Variants in ADCY2 observed in about 807,000 individuals in gnomAD.
ADCY2 encodes adenylate cyclase type 2.
In ADCY2, 31 loss-of-function variants were observed where a neutral mutation model predicts 125.2. The observed-to-expected ratio is 0.25, with a 90% CI of 0.19 to 0.33. The LOEUF (loss-of-function observed/expected upper bound fraction) is 0.33. ADCY2 is among the 10% of genes least tolerant of loss of function. The pLI is 1.00. For missense variants in ADCY2, 904 were observed against 1,418.2 expected, an observed-to-expected ratio of 0.64 and a Z score of 5.82; for synonymous variants, 512 against 548.4, an observed-to-expected ratio of 0.93 and a Z score of 0.93.
intron 3 of ADCY2, among the ~76,000 whole-genome samples, chr5:7,541,700 G>T (rs1735000792): frequency 6.6e-6 from 1 of 152,188 alleles, no homozygotes; most frequent in South Asian, 2.1e-4. Context: ...CGGAGGAGAG[G>T]CTGAGAGCAG....
intron 4 of ADCY2, among the ~76,000 whole-genome samples, chr5:7,653,606 TA>T (rs1201964121): frequency 0.013 from 1,890 of 140,646 alleles, 37 homozygotes; most frequent in African/African-American, 0.042. Flanking sequence ...GACTCTGTCT[TA>T]AAAAAAAAAA....
chr5:7,411,925 A>G (rs1000054464), intron 1 of ADCY2, among the ~76,000 whole-genome samples: 14 of 151,998 alleles, frequency 9.2e-5, no homozygotes, highest in Non-Finnish European at 1.6e-4. Flanking sequence ...AATACAAAAA[A>G]TTGGCCGGGC....
At chr5:7,758,510 A>G (rs976458907) in intron 16 of ADCY2, among the ~76,000 whole-genome samples, 1 of 152,218 alleles carries the variant, frequency 6.6e-6, no homozygotes, top group African/African-American at 2.4e-5. Context: ...TTATTTCATA[A>G]TAATAACGTC....
At chr5:7,462,537 A>T (rs1741951889) in intron 2 of ADCY2, among the ~76,000 whole-genome samples, 1 of 152,262 alleles carries the variant, frequency 6.6e-6, no homozygotes, top group African/African-American at 2.4e-5. Context: ...CAGAGTGTTA[A>T]ACATAGCTAG....
chr5:7,430,552 A>G lies in ADCY2; in HGVS notation c.408+15782A>G, dbSNP rs1007574045. Reference sequence around the variant, plus strand: ...TATATATACTATATATATATAGTATATTGATATACTATATATATAGTGTAT... The same window carrying G: ...TATATATACTATATATATATAGTATGTTGATATACTATATATATAGTGTAT... On this transcript the variant is annotated intron_variant, in intron 2 of 24. Coordinates refer to ENST00000338316, the MANE Select transcript of ADCY2 (RefSeq NM_020546.3). Among the ~76,000 whole-genome samples the G allele has an allele frequency of 2.7e-5, 4 of 148,356 alleles. No individual in the cohort carries two copies. The East Asian group carries it at 7.8e-4, about 29-fold the overall frequency.
chr5:7,666,130 G>A (rs987685316), intron 4 of ADCY2, among the ~76,000 whole-genome samples: 4 of 151,678 alleles, frequency 2.6e-5, no homozygotes, highest in East Asian at 3.9e-4. Context: ...GAGCCACTGC[G>A]CCCAGCCCTT....
intron 3 of ADCY2, among the ~76,000 whole-genome samples, chr5:7,547,721 G>A (rs1437500065): frequency 3.3e-5 from 5 of 152,208 alleles, no homozygotes; most frequent in Admixed American, 3.3e-4. Flanking sequence ...GAGTAGATGT[G>A]TCAGCAGGGG....
chr5:7,819,430 C>T (rs1412067741), intron 23 of ADCY2, among the ~76,000 whole-genome samples: 2 of 152,204 alleles, frequency 1.3e-5, no homozygotes, highest in Admixed American at 6.5e-5. Flanking sequence ...CTACCTCCAA[C>T]GTGCCATTTT....
At chr5:7,575,782 C>G (rs955802874) in intron 3 of ADCY2, among the ~76,000 whole-genome samples, 4 of 151,980 alleles carry the variant, frequency 2.6e-5, no homozygotes, top group Admixed American at 6.6e-5. Context: ...CCAACCTTAA[C>G]AAAATGTTCT....
chr5:7,657,846 A>G (rs1739391359), intron 4 of ADCY2, among the ~76,000 whole-genome samples: 1 of 152,136 alleles, frequency 6.6e-6, no homozygotes, highest in African/African-American at 2.4e-5. Context: ...TAGATGCCAA[A>G]ATTCCCAGCA....
At chr5:7,703,006 G>T (rs556524268) in intron 7 of ADCY2, among the ~76,000 whole-genome samples, 1 of 152,282 alleles carries the variant, frequency 6.6e-6, no homozygotes, top group South Asian at 2.1e-4. Flanking sequence ...TCATGTGTCT[G>T]TTGGCTGCAT....
chr5:7,802,454 C>T lies in ADCY2; in HGVS notation c.2775+90C>T. ...GTTACTTCAGGATAGTGGCCTATCC[C>T]AAAAAAACTTGTCCTTTGGCATAAT... On this transcript the variant is annotated intron_variant, in intron 21 of 24. Coordinates refer to ENST00000338316, the MANE Select transcript of ADCY2 (RefSeq NM_020546.3). The surrounding 1 kb of genome is among the most constrained non-coding windows in gnomAD (Gnocchi z 4.6). 1 of 1,426,978 alleles carries T rather than the reference C, an allele frequency of 7.0e-7. No individual in the cohort carries two copies. Among genetic ancestry groups the T allele is most frequent in the South Asian group, 1.5e-5 (1 of 67,956 alleles). 88.4% of individuals were successfully genotyped at this position (1,426,978 alleles called of 1,614,324 possible). A position where few individuals can be genotyped will look rare whatever the true frequency, so the allele number is the denominator to read the frequency against.
intron 3 of ADCY2, among the ~76,000 whole-genome samples, chr5:7,603,780 C>CTTTTTTTTTTTTTTTTTT (rs1737299294): frequency 3.3e-5 from 1 of 29,924 alleles, no homozygotes; most frequent in Non-Finnish European, 6.6e-5. Context: ...GTAATGCTCT[C>CTTTTTTTTTTTTTTTTTT]TTTCTTTTTT....
At chr5:7,440,507 C>A (rs533047236) in intron 2 of ADCY2, among the ~76,000 whole-genome samples, 29 of 152,206 alleles carry the variant, frequency 1.9e-4, no homozygotes, top group African/African-American at 6.5e-4. Flanking sequence ...CCTATTTTAT[C>A]CTGAACATTT....
chr5:7,798,099 A>C (rs1234907452), intron 20 of ADCY2: 1 of 152,286 alleles, frequency 6.6e-6, no homozygotes, highest in East Asian at 1.9e-4. Flanking sequence ...GAATTGGTGT[A>C]GGGTTATTTT....
At chr5:7,480,984 T>C (rs1397412699) in intron 2 of ADCY2, among the ~76,000 whole-genome samples, 1 of 152,158 alleles carries the variant, frequency 6.6e-6, no homozygotes, top group East Asian at 1.9e-4. Context: ...ATTTTCTCTT[T>C]TTGGGGTATA....
chr5:7,809,610 C>T (rs1744869877), intron 22 of ADCY2, among the ~76,000 whole-genome samples: 1 of 152,122 alleles, frequency 6.6e-6, no homozygotes. Context: ...TTCTTAAATC[C>T]AAAAAGAGGC....
At chr5:7,661,382 G>A (rs755554174) in intron 4 of ADCY2, among the ~76,000 whole-genome samples, 24 of 152,008 alleles carry the variant, frequency 1.6e-4, no homozygotes, top group African/African-American at 2.7e-4. Flanking sequence ...TGGCAAAAGC[G>A]AAAAAGAGGG....
intron 2 of ADCY2, among the ~76,000 whole-genome samples, chr5:7,448,019 C>A (rs1197588209): frequency 6.6e-6 from 1 of 152,132 alleles, no homozygotes; most frequent in Non-Finnish European, 1.5e-5. Flanking sequence ...CTTGAAGAGG[C>A]CTCCCAAATA....
Sources: allele counts gnomAD v4.1 joint callset (sites outside exome capture counted in the v4.1 genomes callset), GRCh38; gene constraint gnomAD v4.1.1; non-coding constraint Gnocchi (gnomAD v3.1); transcripts MANE v1.5; gene names NCBI Gene and HGNC (gene_info 2026-07-23, HGNC 2026-07-21).